Variants in FCHO2 observed in about 807,000 individuals in gnomAD.
The protein encoded by FCHO2 is F-BAR domain only protein 2.
Under a neutral mutation model 114.1 loss-of-function variants are expected in FCHO2, and 43 were observed. The observed-to-expected ratio is 0.38, with a 90% CI of 0.30 to 0.49. FCHO2 has a LOEUF of 0.49. Among genes scored for constraint, FCHO2 ranks in the 20% least tolerant of loss-of-function variants. The pLI is 0.97. For synonymous variants in FCHO2, 293 were observed against 315.2 expected, an observed-to-expected ratio of 0.93 and a Z score of 0.75; for missense variants, 807 against 950.4, an observed-to-expected ratio of 0.85 and a Z score of 1.98.
At chr5:73,057,714 G>A (rs528290984) in intron 16 of FCHO2, among the ~76,000 whole-genome samples, 1 of 152,254 alleles carries the variant, frequency 6.6e-6, no homozygotes, top group African/African-American at 2.4e-5. Context: ...GGTGCTATGT[G>A]TGAACCAGCA....
chr5:73,082,737 TGAA>T, intron 23 of FCHO2, 21 bp from the exon 24 acceptor site: 1 of 1,588,318 alleles, frequency 6.3e-7, no homozygotes, highest in Non-Finnish European at 8.6e-7. Context: ...ACACAAAACC[TGAA>T]GATATCTGTT....
chr5:72,958,564 T>G (rs1042060982), intron 1 of FCHO2, among the ~76,000 whole-genome samples: 1 of 152,186 alleles, frequency 6.6e-6, no homozygotes, highest in Non-Finnish European at 1.5e-5. Context: ...AACACACAGT[T>G]TGGATTGCTG....
At chr5:73,060,464 G>A (rs1757803446) in intron 17 of FCHO2, among the ~76,000 whole-genome samples, 3 of 152,028 alleles carry the variant, frequency 2.0e-5, no homozygotes, top group Admixed American at 2.0e-4. Flanking sequence ...GGCCCTAAGT[G>A]AAGTTACGAA....
At chr5:73,024,023 G>A (rs1185483860) in intron 8 of FCHO2, among the ~76,000 whole-genome samples, 1 of 151,880 alleles carries the variant, frequency 6.6e-6, no homozygotes, top group East Asian at 1.9e-4. Context: ...GATTCCTTTT[G>A]AATTCTGGAC....
Position 73,012,360 on chromosome 5 carries a change from C to T in FCHO2, c.601-3266C>T, listed in dbSNP as rs111383313. Among the ~76,000 whole-genome samples the T allele has an allele frequency of 5.2e-3, 797 of 152,188 alleles. 7 individuals carry two copies. The highest frequency in any genetic ancestry group is 0.018 in the African/African-American group (753 of 41,524). Reference sequence around the variant, plus strand: ...GTAACAGGCTGGGTTTGGTGGCTCACGCCTGTAATCCCAGCGCTTTGGGAG... The same window carrying T: ...GTAACAGGCTGGGTTTGGTGGCTCATGCCTGTAATCCCAGCGCTTTGGGAG... On this transcript the variant is annotated intron_variant, in intron 6 of 25. Transcript: ENST00000430046.
At chr5:72,979,824 T>G (rs1049194849) in intron 2 of FCHO2, among the ~76,000 whole-genome samples, 2 of 152,208 alleles carry the variant, frequency 1.3e-5, no homozygotes, top group African/African-American at 2.4e-5. Context: ...GTCTATTTGA[T>G]TCTTCTCTCT....
chr5:73,042,605 CTG>C (rs1341879745), intron 11 of FCHO2, among the ~76,000 whole-genome samples: 1 of 152,018 alleles, frequency 6.6e-6, no homozygotes, highest in Admixed American at 6.5e-5. Flanking sequence ...ATGAATTTGA[CTG>C]TGTAGAAATG....
At chr5:73,004,419 G>A (rs1043705549) in intron 5 of FCHO2, among the ~76,000 whole-genome samples, 3 of 152,058 alleles carry the variant, frequency 2.0e-5, no homozygotes, top group African/African-American at 4.8e-5. Flanking sequence ...AAATTGTTAC[G>A]GGTTTTAGTC....
chr5:72,975,209 A>C (rs1335729110), intron 2 of FCHO2, among the ~76,000 whole-genome samples: 1 of 152,194 alleles, frequency 6.6e-6, no homozygotes, highest in East Asian at 1.9e-4. Context: ...TCCTCTGTGA[A>C]ACAGTATTTG....
chr5:73,056,455 C>T (rs1325463935), intron 16 of FCHO2, among the ~76,000 whole-genome samples: 1 of 152,168 alleles, frequency 6.6e-6, no homozygotes, highest in Non-Finnish European at 1.5e-5. Context: ...ATCCCTTCTT[C>T]CACACACTTA....
intron 25 of FCHO2, 114 bp from the exon 26 acceptor site, chr5:73,087,954 A>G: frequency 1.4e-6 from 2 of 1,456,014 alleles, no homozygotes; most frequent in Non-Finnish European, 1.9e-6. Context: ...TCTGATTCTA[A>G]TGTACTGTAA....
intron 2 of FCHO2, among the ~76,000 whole-genome samples, chr5:72,980,816 T>G (rs1370369595): frequency 2.6e-5 from 4 of 152,168 alleles, no homozygotes; most frequent in Non-Finnish European, 5.9e-5. Flanking sequence ...CTCCATCCCT[T>G]TATTTTGTGC....
intron 20 of FCHO2, among the ~76,000 whole-genome samples, chr5:73,076,229 C>T (rs1580207288): frequency 6.6e-6 from 1 of 152,156 alleles, no homozygotes; most frequent in East Asian, 1.9e-4. Flanking sequence ...GTGACATTCA[C>T]AAGAAGGATT....
chr5:73,032,039 G>C (rs1044523651), intron 8 of FCHO2, among the ~76,000 whole-genome samples: 1 of 152,190 alleles, frequency 6.6e-6, no homozygotes, highest in Non-Finnish European at 1.5e-5. Flanking sequence ...GCATTTGAAG[G>C]AGATGCTGAA....
chr5:73,081,159 A>G (rs946740441), intron 22 of FCHO2, among the ~76,000 whole-genome samples: 2 of 152,172 alleles, frequency 1.3e-5, no homozygotes, highest in African/African-American at 4.8e-5. Context: ...GTATGGAAAA[A>G]AGAAAAAGTA....
intron 5 of FCHO2, among the ~76,000 whole-genome samples, chr5:73,000,325 G>A (rs1485341400): frequency 6.6e-6 from 1 of 151,920 alleles, no homozygotes; most frequent in Non-Finnish European, 1.5e-5. Flanking sequence ...TACAAAATTA[G>A]CCGAGTATGG....
At chr5:73,051,285 G>C in intron 11 of FCHO2, 64 bp from the exon 12 acceptor site, 1 of 1,139,156 alleles carries the variant, frequency 8.8e-7, no homozygotes. Flanking sequence ...AGGCTACTTT[G>C]ATAATCTCTA....
intron 2 of FCHO2, among the ~76,000 whole-genome samples, chr5:72,984,257 A>G (rs1408093560): frequency 2.0e-5 from 3 of 152,188 alleles, no homozygotes; most frequent in South Asian, 4.1e-4. Context: ...GTAGTTGATC[A>G]TTTTATGTGT....
chr5:72,997,188 T>G, intron 5 of FCHO2: 3 of 1,138,016 alleles, frequency 2.6e-6, no homozygotes, highest in Non-Finnish European at 4.0e-6. Flanking sequence ...CCTCCTGACT[T>G]CATCCTCAAG....
Sources: allele counts gnomAD v4.1 joint callset (sites outside exome capture counted in the v4.1 genomes callset), GRCh38; gene constraint gnomAD v4.1.1; transcripts MANE v1.5; gene names NCBI Gene and HGNC (gene_info 2026-07-23, HGNC 2026-07-21).